FIP1L1: variants seen among roughly 807,000 people sequenced by gnomAD.
FIP1L1 encodes the protein pre-mRNA 3'-end-processing factor FIP1.
Under a neutral mutation model 84.6 loss-of-function variants are expected in FIP1L1, and 21 were observed. The observed-to-expected ratio is 0.25, with a 90% confidence interval of 0.18 to 0.36. The LOEUF (loss-of-function observed/expected upper bound fraction) is 0.36. Ranked by LOEUF, FIP1L1 falls within the 10% of genes least tolerant of loss-of-function variation. The probability of loss-of-function intolerance (pLI) is 1.00; values close to 1 mark genes in which losing one functional copy is unlikely to be tolerated. For synonymous variants in FIP1L1, 263 were observed against 242.3 expected (o/e 1.09, Z -0.80); for missense variants, 526 against 751.1 (o/e 0.70, Z 3.50).
At chr4:53,449,770 C>T (rs1373821463) in intron 15 of FIP1L1, among the ~76,000 whole-genome samples, 1 of 152,050 alleles carries the variant, frequency 6.6e-6, no homozygotes, top group African/African-American at 2.4e-5. Flanking sequence ...GATTTAATGT[C>T]TTTAATAGTT....
At chr4:53,399,869 G>C (rs1479002100) in intron 10 of FIP1L1, 30 bp downstream of exon 10, 9 of 1,356,420 alleles carry the variant, frequency 6.6e-6, no homozygotes, top group Non-Finnish European at 8.4e-6. Context: ...CTCAATTACT[G>C]TACGACATTG....
chr4:53,390,080 G>A (rs115214825), intron 6 of FIP1L1, among the ~76,000 whole-genome samples: 2,736 of 151,968 alleles, frequency 0.018, 84 homozygotes, highest in African/African-American at 0.063. Flanking sequence ...CTGGGACTGC[G>A]GGCGTGCACC....
At chr4:53,417,703 G>T (rs1299594537) in intron 11 of FIP1L1, among the ~76,000 whole-genome samples, 1 of 107,724 alleles carries the variant, frequency 9.3e-6, no homozygotes, top group Non-Finnish European at 1.9e-5. Context: ...CTGGATAAAA[G>T]CTACTTTTTC....
rs371194870 is a variant in FIP1L1 at position 53,417,738 on chromosome 4, A to AACACACAC, written c.923+3035_923+3042dup. ...CTCTTTGCTACTTTTTCTCTTTTTAAACACACACACACACACACACACACA... is the reference window on the plus strand; with the variant it reads ...CTCTTTGCTACTTTTTCTCTTTTTAAACACACACACACACACACACACACACACACACA... On this transcript the variant is annotated intron_variant, in intron 11 of 17. Coordinates refer to ENST00000337488, the MANE Select transcript of FIP1L1 (RefSeq NM_030917.4). Among the ~76,000 whole-genome samples the AACACACAC allele has an allele frequency of 1.5e-3, 103 of 70,362 alleles. 1 individual carries two copies. Among genetic ancestry groups the AACACACAC allele is most frequent in the African/African-American group, 7.4e-3 (99 of 13,300 alleles). The allele number at this position is 70,362 out of a possible 152,430, so 46.2% of individuals were successfully genotyped here.
At chr4:53,403,357 T>G (rs1261006807) in intron 10 of FIP1L1, among the ~76,000 whole-genome samples, 2 of 152,026 alleles carry the variant, frequency 1.3e-5, no homozygotes, top group South Asian at 2.1e-4. Flanking sequence ...TTCATACAAC[T>G]TTTATTATAT....
At chr4:53,458,464 C>G (rs1460837263) in intron 16 of FIP1L1, 189 bp from the exon 17 acceptor site, 8 of 460,042 alleles carry the variant, frequency 1.7e-5, no homozygotes, top group Admixed American at 3.8e-5. Context: ...ATTCTTAGCT[C>G]TAGTGCTATT....
chr4:53,379,911 G>A (rs1299859788), intron 3 of FIP1L1, among the ~76,000 whole-genome samples: 1 of 152,202 alleles, frequency 6.6e-6, no homozygotes, highest in Non-Finnish European at 1.5e-5. Context: ...GGAGGGAGAG[G>A]TAGTTAGAAG....
chr4:53,420,212 A>AAAAAAAAAC (rs1560540712), intron 11 of FIP1L1, among the ~76,000 whole-genome samples: 1,952 of 143,050 alleles, frequency 0.014, 116 homozygotes, highest in African/African-American at 0.051. Flanking sequence ...AAAAAAAAAA[A>AAAAAAAAAC]AAAAAAAAAA....
At chr4:53,398,982 C>CTT (rs746143166) in intron 9 of FIP1L1, among the ~76,000 whole-genome samples, 50 of 152,102 alleles carry the variant, frequency 3.3e-4, no homozygotes, top group Admixed American at 2.6e-4. Context: ...GAAATCCTGT[C>CTT]TTTACTAAAA....
At chr4:53,389,774 A>T in intron 5 of FIP1L1, 35 bp from the exon 6 acceptor site, 3 of 1,543,516 alleles carry the variant, frequency 1.9e-6, no homozygotes, top group Non-Finnish European at 2.7e-6. Flanking sequence ...GCTTTTCAGG[A>T]TAATTTCTGT....
intron 15 of FIP1L1, 117 bp from the exon 16 acceptor site, chr4:53,452,803 T>C (rs1716881715): frequency 5.5e-6 from 4 of 724,112 alleles, no homozygotes; most frequent in Non-Finnish European, 9.1e-6. Flanking sequence ...CCATGTGATA[T>C]TTCTCTTTTC....
At chr4:53,440,632 C>T (rs1458705106) in intron 13 of FIP1L1, 1 of 1,473,174 alleles carries the variant, frequency 6.8e-7, no homozygotes, top group Admixed American at 1.9e-5. Flanking sequence ...CATGTTTTCT[C>T]CATCATTGTT....
chr4:53,429,123 C>T (rs1445595023), intron 13 of FIP1L1, among the ~76,000 whole-genome samples: 3 of 152,186 alleles, frequency 2.0e-5, no homozygotes, highest in Admixed American at 6.5e-5. Context: ...CATCCTTGGC[C>T]TCTAAATGTC....
At chr4:53,399,900 T>C in intron 10 of FIP1L1, 61 bp downstream of exon 10, 1 of 1,140,866 alleles carries the variant, frequency 8.8e-7, no homozygotes, top group Non-Finnish European at 1.3e-6. Flanking sequence ...ATTGTATTTG[T>C]GCTATATTAA....
At chr4:53,438,034 G>A (rs1489407570) in intron 13 of FIP1L1, among the ~76,000 whole-genome samples, 1 of 152,046 alleles carries the variant, frequency 6.6e-6, no homozygotes, top group East Asian at 1.9e-4. Context: ...CTATGTTCAA[G>A]TTTTAATACC....
chr4:53,452,851 C>T, intron 15 of FIP1L1, 69 bp from the exon 16 acceptor site: 1 of 1,142,064 alleles, frequency 8.8e-7, no homozygotes, highest in Non-Finnish European at 1.3e-6. Flanking sequence ...TCTCATGACA[C>T]ATTTTTGGTG....
Position 53,456,529 on chromosome 4 carries a change from G to C in FIP1L1, c.1500-2124G>C, listed in dbSNP as rs562304264. The stretch of plus-strand genomic sequence containing the variant: ...AAATCCAAGTGAAGTATAAGTAAAG[G>C]TTTCTGAAGGCTGGTATTTTAGCAG... On this transcript the variant is annotated intron_variant, in intron 16 of 17. Coordinates refer to ENST00000337488, the MANE Select transcript of FIP1L1 (RefSeq NM_030917.4). Among the ~76,000 whole-genome samples the C allele has an allele frequency of 6.8e-4, 87 of 128,354 alleles. 2 individuals are homozygous for C. In the Admixed American group the frequency reaches 7.1e-3, roughly 10 times the overall value. 84.2% of individuals were successfully genotyped at this position (128,354 alleles called of 152,430 possible).
At chr4:53,434,894 G>T (rs1272144306) in intron 13 of FIP1L1, among the ~76,000 whole-genome samples, 1 of 152,182 alleles carries the variant, frequency 6.6e-6, no homozygotes, top group Non-Finnish European at 1.5e-5. Context: ...TGTATTGGAT[G>T]AATATTATCA....
At chr4:53,402,492 A>G (rs926316024) in intron 10 of FIP1L1, among the ~76,000 whole-genome samples, 5 of 152,216 alleles carry the variant, frequency 3.3e-5, no homozygotes, top group African/African-American at 1.2e-4. Flanking sequence ...TGTTGAGGGC[A>G]GGAGTTTGAG....
Sources: gnomAD v4.1 joint callset for allele counts (sites outside exome capture counted in the v4.1 genomes callset) on GRCh38, gnomAD v4.1.1 for gene constraint, MANE v1.5 for transcripts, NCBI Gene and HGNC (gene_info 2026-07-23, HGNC 2026-07-21) for gene names.